The following IKBKB-DT variants were observed in gnomAD, a reference collection of about 807,000 sequenced individuals.
The protein encoded by IKBKB-DT is IKBKB antisense RNA.
chr8:42,249,655 A>G (rs1807106336), intron 3 of IKBKB-DT, among the ~76,000 whole-genome samples: 1 of 151,510 alleles, frequency 6.6e-6, no homozygotes, highest in Non-Finnish European at 1.5e-5. Flanking sequence ...GTTGCACTTA[A>G]CATCCCTGTG....
At chr8:42,236,450 A>C (rs1164104760) in intron 3 of IKBKB-DT, among the ~76,000 whole-genome samples, 1 of 152,208 alleles carries the variant, frequency 6.6e-6, no homozygotes, top group African/African-American at 2.4e-5. Flanking sequence ...AACTGTCAAA[A>C]CATTTAAAAC....
intron 3 of IKBKB-DT, among the ~76,000 whole-genome samples, chr8:42,261,202 C>G (rs539711259): frequency 6.4e-4 from 97 of 152,176 alleles, no homozygotes; most frequent in Admixed American, 2.0e-4. Context: ...TGGTGTACAC[C>G]TGTAGTCCCA....
intron 3 of IKBKB-DT, among the ~76,000 whole-genome samples, chr8:42,236,676 G>A (rs568536642): frequency 6.6e-6 from 1 of 152,282 alleles, no homozygotes; most frequent in African/African-American, 2.4e-5. Flanking sequence ...AGAATTGCTT[G>A]CACCCAGAAG....
At chr8:42,250,432 T>G (rs1229828398) in intron 3 of IKBKB-DT, among the ~76,000 whole-genome samples, 1 of 152,020 alleles carries the variant, frequency 6.6e-6, no homozygotes, top group Non-Finnish European at 1.5e-5. Context: ...GAATAATGGC[T>G]GCCAATCATT....
intron 3 of IKBKB-DT, among the ~76,000 whole-genome samples, chr8:42,235,190 C>CTTT (rs1806903169): frequency 9.0e-6 from 1 of 111,522 alleles, no homozygotes; most frequent in Non-Finnish European, 1.9e-5. Flanking sequence ...TTTCTTTTTT[C>CTTT]TTTTCTTTTA....
At chr8:42,250,105 A>G (rs1563276264) in intron 3 of IKBKB-DT, among the ~76,000 whole-genome samples, 1 of 152,102 alleles carries the variant, frequency 6.6e-6, no homozygotes, top group Non-Finnish European at 1.5e-5. Context: ...TTATTACTCA[A>G]ATAAGTCTCC....
intron 3 of IKBKB-DT, among the ~76,000 whole-genome samples, chr8:42,237,698 C>T (rs1481651162): frequency 6.6e-6 from 1 of 152,086 alleles, no homozygotes; most frequent in East Asian, 1.9e-4. Context: ...GGATCTGCTC[C>T]TCTCTTCTGG....
chr8:42,270,366 A>C (rs1807553057), intron 1 of IKBKB-DT: 1 of 152,306 alleles, frequency 6.6e-6, no homozygotes, highest in South Asian at 2.1e-4. Context: ...AGTCAGGAGA[A>C]TCACTTGAGC....
At chr8:42,271,065 G>A (rs957593929) in exon 1 of IKBKB-DT, 2 of 286,560 alleles carry the variant, frequency 7.0e-6, no homozygotes, top group Non-Finnish European at 1.3e-5. Context: ...CCAGGTGGAA[G>A]TAACTTGTCT....
intron 1 of IKBKB-DT, among the ~76,000 whole-genome samples, chr8:42,269,330 AGAAAGAAAAG>A (rs1236039106): frequency 1.1e-3 from 170 of 149,450 alleles, no homozygotes; most frequent in African/African-American, 3.5e-3. Context: ...GAAAGAAAAA[AGAAAGAAAAG>A]GAAAGAAAAG....
At chr8:42,239,783 G>A (rs1806977254) in intron 3 of IKBKB-DT, among the ~76,000 whole-genome samples, 1 of 150,586 alleles carries the variant, frequency 6.6e-6, no homozygotes, top group Non-Finnish European at 1.5e-5. Flanking sequence ...ATAGCTGGGA[G>A]TACAGGCACC....
intron 3 of IKBKB-DT, among the ~76,000 whole-genome samples, chr8:42,237,772 C>T (rs1232118090): frequency 6.6e-6 from 1 of 151,864 alleles, no homozygotes; most frequent in East Asian, 1.9e-4. Flanking sequence ...CACCTGTAAC[C>T]CAGCACTTTG....
chr8:42,245,428 T>C (rs552910235), intron 3 of IKBKB-DT, among the ~76,000 whole-genome samples: 2 of 152,326 alleles, frequency 1.3e-5, no homozygotes, highest in East Asian at 1.9e-4. Context: ...TGCAAACTGA[T>C]TGTGTTCACA....
chr8:42,246,820 C>T (rs12680983), intron 3 of IKBKB-DT, among the ~76,000 whole-genome samples: 3,855 of 152,152 alleles, frequency 0.025, 135 homozygotes, highest in South Asian at 0.16. Flanking sequence ...TCGTGGGAGA[C>T]AATTTTTCCA....
At chr8:42,252,669 G>T (rs1807144328) in intron 3 of IKBKB-DT, among the ~76,000 whole-genome samples, 1 of 152,206 alleles carries the variant, frequency 6.6e-6, no homozygotes, top group African/African-American at 2.4e-5. Flanking sequence ...ACCCAGCCAA[G>T]ATAGATTTTT....
chr8:42,268,302 T>C (rs1435823296), intron 1 of IKBKB-DT, among the ~76,000 whole-genome samples: 1 of 149,100 alleles, frequency 6.7e-6, no homozygotes, highest in Non-Finnish European at 1.5e-5. Context: ...GCCCAGCTAA[T>C]TTTTTTGTAT....
At chr8:42,238,020 C>T (rs1367935519) in intron 3 of IKBKB-DT, among the ~76,000 whole-genome samples, 1 of 94,748 alleles carries the variant, frequency 1.1e-5, no homozygotes, top group African/African-American at 4.7e-5. Context: ...GCAAGGCCCT[C>T]TCTCAAAAAA....
At chr8:42,264,649 C>T (rs187695137) in intron 2 of IKBKB-DT, among the ~76,000 whole-genome samples, 3 of 152,272 alleles carry the variant, frequency 2.0e-5, no homozygotes, top group African/African-American at 7.2e-5. Flanking sequence ...GCCTCCGCCT[C>T]CCTAGTTCAA....
At chr8:42,269,810 T>TGGG in intron 1 of IKBKB-DT, among the ~76,000 whole-genome samples, 1 of 152,100 alleles carries the variant, frequency 6.6e-6, no homozygotes, top group Non-Finnish European at 1.5e-5. Flanking sequence ...CAATACCTCA[T>TGGG]TTGTCCCTCA....
Sources: allele counts gnomAD v4.1 joint callset (sites outside exome capture counted in the v4.1 genomes callset), GRCh38; gene constraint gnomAD v4.1.1; transcripts MANE v1.5; gene names NCBI Gene and HGNC (gene_info 2026-07-23, HGNC 2026-07-21).